Variants in THSD4 observed in about 807,000 individuals in gnomAD.
The protein encoded by THSD4 is thrombospondin type-1 domain-containing protein 4.
THSD4 carries 69 observed loss-of-function variants against 119.0 expected under a neutral mutation model. The ratio of observed to expected loss-of-function variants is 0.58; its 90% CI spans 0.48 to 0.71. The LOEUF (loss-of-function observed/expected upper bound fraction) is 0.71. Ranked by LOEUF, THSD4 falls within the 30% of genes least tolerant of loss-of-function variation. The pLI is 0.00. For missense variants in THSD4, 1,393 were observed against 1,391.1 expected (o/e 1.00, Z -0.02); for synonymous variants, 524 against 540.4 (o/e 0.97, Z 0.42).
chr15:71,762,988 T>C (rs999454390), intron 15 of THSD4, among the ~76,000 whole-genome samples: 4 of 152,114 alleles, frequency 2.6e-5, no homozygotes. Flanking sequence ...GGAGAATTGC[T>C]TGAACCTGGG....
At chr15:71,563,144 T>C (rs2049157081) in intron 7 of THSD4, among the ~76,000 whole-genome samples, 2 of 152,136 alleles carry the variant, frequency 1.3e-5, no homozygotes, top group Non-Finnish European at 2.9e-5. Context: ...CGTCCTATGG[T>C]GCACAGCGTT....
chr15:71,749,742 C>A (rs1300287152), intron 14 of THSD4, among the ~76,000 whole-genome samples: 4 of 27,870 alleles, frequency 1.4e-4, no homozygotes, highest in Admixed American at 4.6e-4. Flanking sequence ...TATTTTGAGA[C>A]CGGGTCTCAT....
intron 7 of THSD4, among the ~76,000 whole-genome samples, chr15:71,496,401 T>G (rs928059569): frequency 2.6e-5 from 4 of 152,306 alleles, no homozygotes; most frequent in Middle Eastern, 3.4e-3. Context: ...CTTTTTTCTT[T>G]CACTTGAAAG....
intron 7 of THSD4, among the ~76,000 whole-genome samples, chr15:71,627,866 T>C (rs1422614606): frequency 1.3e-5 from 2 of 152,210 alleles, no homozygotes; most frequent in Non-Finnish European, 1.5e-5. Flanking sequence ...GTTTTCACAA[T>C]GAACAGGAAC....
intron 15 of THSD4, among the ~76,000 whole-genome samples, chr15:71,764,558 T>TG (rs2053682754): frequency 6.6e-6 from 1 of 152,246 alleles, no homozygotes; most frequent in African/African-American, 2.4e-5. Flanking sequence ...TCCTCAGCTT[T>TG]GGGTGTTCAC....
intron 7 of THSD4, among the ~76,000 whole-genome samples, chr15:71,548,822 G>A (rs1200457659): frequency 2.0e-5 from 3 of 152,214 alleles, no homozygotes; most frequent in East Asian, 3.8e-4. Context: ...TTAAGCAGGC[G>A]AGAGGAGAGC....
At chr15:71,619,116 C>T (rs1419998149) in intron 7 of THSD4, among the ~76,000 whole-genome samples, 1 of 151,756 alleles carries the variant, frequency 6.6e-6, no homozygotes, top group Admixed American at 6.6e-5. Context: ...ATTACAGGTG[C>T]CCACCACCAC....
chr15:71,595,364 C>T (rs781709942), intron 7 of THSD4, among the ~76,000 whole-genome samples: 24 of 152,224 alleles, frequency 1.6e-4, no homozygotes, highest in Admixed American at 8.5e-4. Flanking sequence ...TGGCCTTTTC[C>T]GTGCTGGTCT....
intron 3 of THSD4, among the ~76,000 whole-genome samples, chr15:71,188,259 G>T (rs773007526): frequency 2.0e-5 from 3 of 152,120 alleles, no homozygotes; most frequent in African/African-American, 7.2e-5. Context: ...CCTTGGCTTC[G>T]AAGGATGATG....
At chr15:71,365,966 C>T (rs745912186) in intron 6 of THSD4, among the ~76,000 whole-genome samples, 3 of 152,140 alleles carry the variant, frequency 2.0e-5, no homozygotes, top group Admixed American at 6.5e-5. Context: ...ATTACCACTC[C>T]CCTCTCTAAA....
chr15:71,387,981 C>G (rs551870350), intron 6 of THSD4, among the ~76,000 whole-genome samples: 2 of 152,324 alleles, frequency 1.3e-5, no homozygotes, highest in Admixed American at 1.3e-4. Flanking sequence ...TATTTAATCT[C>G]TCCTGGGAGA....
At chr15:71,655,798 T>C (rs1281078421) in intron 7 of THSD4, among the ~76,000 whole-genome samples, 1 of 152,188 alleles carries the variant, frequency 6.6e-6, no homozygotes, top group African/African-American at 2.4e-5. Flanking sequence ...CAGCACTAAG[T>C]CGTCCCTATC....
At chr15:71,117,225 T>G (rs2040370859) in intron 1 of THSD4, among the ~76,000 whole-genome samples, 1 of 152,186 alleles carries the variant, frequency 6.6e-6, no homozygotes, top group Non-Finnish European at 1.5e-5. Flanking sequence ...GGCATTACCT[T>G]CTTTTTAGTC....
At position 71,745,246 on chromosome 15, in the gene THSD4, C is replaced by CTCCATTTAG; in HGVS notation, c.2036+11_2036+12insTCCATTTAG. ...CCCTTGCCCAGCCTTGTAAGAAGGC[C>CTCCATTTAG]CCTCCATTTAGGTCGCCTATTACCG... On this transcript the variant is annotated intron_variant, in intron 12 of 17. Transcript: ENST00000261862. The CTCCATTTAG allele has an allele frequency of 6.2e-7, 1 of 1,613,536 alleles. No individual in the cohort carries two copies. Among genetic ancestry groups the CTCCATTTAG allele is most frequent in the East Asian group, 2.2e-5 (1 of 44,874 alleles).
chr15:71,476,535 C>A (rs951383320), intron 7 of THSD4, among the ~76,000 whole-genome samples: 3 of 152,216 alleles, frequency 2.0e-5, no homozygotes, highest in Admixed American at 6.5e-5. Context: ...AGCCACCATG[C>A]CTGGCCAACC....
intron 6 of THSD4, among the ~76,000 whole-genome samples, chr15:71,294,443 T>C (rs1596319558): frequency 6.6e-6 from 1 of 152,324 alleles, no homozygotes; most frequent in East Asian, 1.9e-4. Context: ...CATTCTTATC[T>C]GATGGCACAG....
intron 7 of THSD4, among the ~76,000 whole-genome samples, chr15:71,446,134 C>T (rs949503227): frequency 5.9e-5 from 9 of 152,180 alleles, no homozygotes; most frequent in Non-Finnish European, 1.0e-4. Flanking sequence ...ATATCAATTC[C>T]GCTTTCCATC....
intron 9 of THSD4, 156 bp downstream of exon 9, chr15:71,728,880 C>T (rs1006769653): frequency 8.5e-6 from 8 of 940,850 alleles, no homozygotes; most frequent in Non-Finnish European, 1.3e-5. Context: ...GCTTGGCGTT[C>T]ATCTTTGCCT....
intron 7 of THSD4, among the ~76,000 whole-genome samples, chr15:71,561,221 G>T (rs938008486): frequency 1.3e-5 from 2 of 152,006 alleles, no homozygotes; most frequent in African/African-American, 4.8e-5. Context: ...TGATCCACCT[G>T]CCTCAGCCTC....
Sources: allele counts gnomAD v4.1 joint callset (sites outside exome capture counted in the v4.1 genomes callset), GRCh38; gene constraint gnomAD v4.1.1; transcripts MANE v1.5; gene names NCBI Gene and HGNC (gene_info 2026-07-23, HGNC 2026-07-21).